Variants in GRID2 observed in about 807,000 individuals in gnomAD.
GRID2 encodes the protein glutamate ionotropic receptor delta type subunit 2.
A neutral mutation model predicts 114.8 loss-of-function variants in GRID2; 33 were observed. The observed-to-expected ratio is 0.29, with a 90% confidence interval of 0.22 to 0.38. The LOEUF (loss-of-function observed/expected upper bound fraction) is 0.38, where lower values mean the gene tolerates loss of function less well. Ranked by LOEUF, GRID2 falls within the 10% of genes least tolerant of loss-of-function variation. The pLI is 1.00. For missense variants in GRID2, 1,184 were observed against 1,257.7 expected, an observed-to-expected ratio of 0.94 and a Z score of 0.89; for synonymous variants, 505 against 449.9, an observed-to-expected ratio of 1.12 and a Z score of -1.55.
At chr4:92,406,248 A>C (rs780948855) in intron 1 of GRID2, among the ~76,000 whole-genome samples, 5 of 152,204 alleles carry the variant, frequency 3.3e-5, no homozygotes, top group Non-Finnish European at 5.9e-5. Flanking sequence ...ACTCCATATT[A>C]ACCATCACAA....
intron 13 of GRID2, among the ~76,000 whole-genome samples, chr4:93,537,022 A>G (rs1732158329): frequency 6.6e-6 from 1 of 151,338 alleles, no homozygotes; most frequent in Non-Finnish European, 1.5e-5. Flanking sequence ...CCCCTTTATA[A>G]ATAACACTCA....
chr4:92,929,397 T>G, intron 2 of GRID2, among the ~76,000 whole-genome samples: 1 of 151,464 alleles, frequency 6.6e-6, no homozygotes, highest in Non-Finnish European at 1.5e-5. Context: ...AAATTATTTC[T>G]TCTTTAAAAG....
intron 8 of GRID2, among the ~76,000 whole-genome samples, chr4:93,383,392 G>C (rs1400408462): frequency 1.3e-5 from 2 of 152,198 alleles, no homozygotes; most frequent in Non-Finnish European, 2.9e-5. Flanking sequence ...TTGGACTAAG[G>C]GTCAGGATAG....
In GRID2 at chr4:93,710,868, C is replaced by A. The variant is rs1401903823; in HGVS notation, c.2361-58342C>A. 2.6e-5 allele frequency among the ~76,000 whole-genome samples: 4 copies of A among 152,012 alleles called. No individual in the cohort carries two copies. The East Asian group carries it at 7.7e-4, about 29-fold the overall frequency. The stretch of plus-strand genomic sequence containing the variant: ...ATCTCTCCCCATGGCCACCACTGCC[C>A]CAGGCCCATGGTGAGTACTGCCTGG... On this transcript the variant is annotated intron_variant, in intron 14 of 15. Transcript: ENST00000282020.
At chr4:92,651,653 T>C (rs1731939786) in intron 2 of GRID2, among the ~76,000 whole-genome samples, 1 of 152,050 alleles carries the variant, frequency 6.6e-6, no homozygotes, top group Non-Finnish European at 1.5e-5. Flanking sequence ...TCATGTTCCT[T>C]CCAAGTCCCA....
intron 1 of GRID2, among the ~76,000 whole-genome samples, chr4:92,505,018 C>T (rs1050948879): frequency 3.0e-4 from 46 of 152,036 alleles, no homozygotes; most frequent in Middle Eastern, 3.4e-3. Flanking sequence ...ACCGTCGAAT[C>T]ATTTAAAAGA....
At chr4:92,942,522 C>A (rs1751237256) in intron 2 of GRID2, among the ~76,000 whole-genome samples, 1 of 152,118 alleles carries the variant, frequency 6.6e-6, no homozygotes, top group Admixed American at 6.6e-5. Context: ...ACTCTTTATC[C>A]AATTTGCCAG....
At chr4:92,960,464 A>T (rs970908632) in intron 2 of GRID2, among the ~76,000 whole-genome samples, 1 of 152,030 alleles carries the variant, frequency 6.6e-6, no homozygotes, top group Admixed American at 6.6e-5. Flanking sequence ...TGTACATATT[A>T]AGGACTGTCA....
At chr4:92,419,839 A>G (rs1731807797) in intron 1 of GRID2, among the ~76,000 whole-genome samples, 1 of 152,144 alleles carries the variant, frequency 6.6e-6, no homozygotes. Flanking sequence ...GGTTATTTAT[A>G]TAGTCAATAG....
At chr4:93,752,032 T>G (rs1330253628) in intron 14 of GRID2, among the ~76,000 whole-genome samples, 1 of 152,100 alleles carries the variant, frequency 6.6e-6, no homozygotes. Flanking sequence ...GCACTGTGTT[T>G]GGACTTATAC....
chr4:93,655,025 C>T (rs1257910481), intron 14 of GRID2, among the ~76,000 whole-genome samples: 3 of 152,120 alleles, frequency 2.0e-5, no homozygotes, highest in Non-Finnish European at 4.4e-5. Context: ...AAGACCTGTG[C>T]CCCATTTGGC....
intron 11 of GRID2, among the ~76,000 whole-genome samples, chr4:93,469,277 T>C (rs1170700456): frequency 6.6e-6 from 1 of 152,068 alleles, no homozygotes; most frequent in Non-Finnish European, 1.5e-5. Flanking sequence ...TTTCACAAAA[T>C]CAGTTTACCA....
At chr4:93,594,848 A>G (rs968292721) in intron 13 of GRID2, among the ~76,000 whole-genome samples, 1 of 152,134 alleles carries the variant, frequency 6.6e-6, no homozygotes. Flanking sequence ...TTCTTTGATT[A>G]GGAAAGGGAA....
Position 93,075,883 on chromosome 4 carries a change from C to CTTTTTTTT in GRID2, c.245-9081_245-9074dup, listed in dbSNP as rs10706922. Among the ~76,000 whole-genome samples, 25 of 76,604 alleles carry CTTTTTTTT rather than the reference C, an allele frequency of 3.3e-4. 3 individuals are homozygous for CTTTTTTTT. Among genetic ancestry groups the CTTTTTTTT allele is most frequent in the African/African-American group, 4.3e-4 (8 of 18,776 alleles). The allele number at this position is 76,604 out of a possible 152,430, so 50.3% of individuals were successfully genotyped here. On this transcript the variant is annotated intron_variant, in intron 2 of 15. Transcript: ENST00000282020. ...GTATTGGGATGTCGAAGTTACCTCT[C>CTTTTTTTT]TTTTTTTTTTTTTTTTTTTTTTTTT...
intron 2 of GRID2, among the ~76,000 whole-genome samples, chr4:93,025,991 T>C (rs1022817408): frequency 1.3e-5 from 2 of 151,796 alleles, no homozygotes; most frequent in Non-Finnish European, 3.0e-5. Flanking sequence ...TGTATTATAT[T>C]CATTACTTAG....
intron 1 of GRID2, among the ~76,000 whole-genome samples, chr4:92,525,030 AT>A (rs1190266775): frequency 6.6e-6 from 1 of 151,968 alleles, no homozygotes; most frequent in African/African-American, 2.4e-5. Context: ...ATGAGAGAGT[AT>A]TTTTTATACT....
intron 14 of GRID2, among the ~76,000 whole-genome samples, chr4:93,669,449 C>G (rs2149749920): frequency 6.6e-6 from 1 of 151,932 alleles, no homozygotes; most frequent in South Asian, 2.1e-4. Flanking sequence ...AAATGATATG[C>G]TACCAGACTT....
intron 10 of GRID2, among the ~76,000 whole-genome samples, chr4:93,453,201 T>C (rs1722861914): frequency 6.6e-6 from 1 of 151,758 alleles, no homozygotes; most frequent in South Asian, 2.1e-4. Context: ...ACCTCTAATA[T>C]AAGTAAGGAC....
At chr4:92,514,463 A>T (rs1377941336) in intron 1 of GRID2, among the ~76,000 whole-genome samples, 1 of 151,824 alleles carries the variant, frequency 6.6e-6, no homozygotes. Context: ...TTTACATTTC[A>T]TTTTCAACTA....
Sources: allele counts gnomAD v4.1 joint callset (sites outside exome capture counted in the v4.1 genomes callset), GRCh38; gene constraint gnomAD v4.1.1; transcripts MANE v1.5; gene names NCBI Gene and HGNC (gene_info 2026-07-23, HGNC 2026-07-21).